LCP1: variants seen among roughly 807,000 people sequenced by gnomAD.
LCP1 encodes lymphocyte cytosolic protein 1.
LCP1 carries 23 observed loss-of-function variants against 72.0 expected under a neutral mutation model. The ratio of observed to expected loss-of-function variants is 0.32; its 90% CI spans 0.23 to 0.45. LCP1 has a LOEUF of 0.45. Ranked by LOEUF, LCP1 falls within the 20% of genes least tolerant of loss-of-function variation. LCP1 has a pLI of 1.00. For synonymous variants in LCP1, 245 were observed against 275.4 expected, an observed-to-expected ratio of 0.89 and a Z score of 1.09; for missense variants, 571 against 748.3, an observed-to-expected ratio of 0.76 and a Z score of 2.76.
At chr13:46,181,420 T>C (rs2045954736) in intron 1 of LCP1, among the ~76,000 whole-genome samples, 2 of 152,262 alleles carry the variant, frequency 1.3e-5, no homozygotes, top group Admixed American at 6.5e-5. Flanking sequence ...TTCATTGATA[T>C]GGTCATAAGC....
chr13:46,158,317 C>A lies in LCP1; in HGVS notation c.358+205G>T, dbSNP rs77588294. 6.3e-3 allele frequency among the ~76,000 whole-genome samples: 961 copies of A among 152,260 alleles called. 12 individuals are homozygous for A. The highest frequency in any genetic ancestry group is 0.021 in the African/African-American group (890 of 41,546). On this transcript the variant is annotated intron_variant, in intron 4 of 15. Transcript: ENST00000323076. ...CTTTAATGATTGTTTAAATGCTGAT[C>A]AAATCATTTTGTATTGGACCCTACC...
chr13:46,134,119 A>C lies in LCP1; in HGVS notation c.1626+8T>G, dbSNP rs982124082. The C allele has an allele frequency of 1.2e-6, 2 of 1,613,252 alleles. No homozygotes were observed. The highest frequency in any genetic ancestry group is 1.7e-5 in the Admixed American group (1 of 59,990). On this transcript the variant is annotated splice_region_variant and intron_variant, in intron 14 of 15. Coordinates refer to ENST00000323076, the MANE Select transcript of LCP1 (RefSeq NM_002298.5). ...AGATGGCCTCTAGCAGAAGACAAAGAATTTTACCTTGAAACTAGAGATGGA... is the reference window on the plus strand; with the variant it reads ...AGATGGCCTCTAGCAGAAGACAAAGCATTTTACCTTGAAACTAGAGATGGA...
At chr13:46,166,047 G>A (rs183670378) in intron 1 of LCP1, among the ~76,000 whole-genome samples, 3 of 152,228 alleles carry the variant, frequency 2.0e-5, no homozygotes, top group Non-Finnish European at 4.4e-5. Context: ...CTGCTTAAAG[G>A]GTGCTGGTAT....
chr13:46,146,855 G>T (rs2045733610), intron 10 of LCP1, 53 bp downstream of exon 10: 1 of 1,558,264 alleles, frequency 6.4e-7, no homozygotes, highest in Non-Finnish European at 8.9e-7. Context: ...AATTGCCATT[G>T]AATTAGAATT....
intron 3 of LCP1, 64 bp from the exon 4 acceptor site, chr13:46,158,715 A>C (rs569159711): frequency 3.7e-6 from 6 of 1,608,544 alleles, no homozygotes; most frequent in Middle Eastern, 1.7e-4. Context: ...AAAGGAAAGA[A>C]TATGTAATGT....
chr13:46,150,462 T>C (rs1004408202), intron 8 of LCP1, among the ~76,000 whole-genome samples: 3 of 152,214 alleles, frequency 2.0e-5, no homozygotes, highest in Non-Finnish European at 4.4e-5. Context: ...GTTGTAAGGA[T>C]TCAATAAGAG....
At chr13:46,159,080 C>T (rs575141689) in intron 2 of LCP1, 91 bp from the exon 3 acceptor site, 31 of 1,156,580 alleles carry the variant, frequency 2.7e-5, no homozygotes, top group African/African-American at 2.0e-4. Flanking sequence ...GGTGAAGGGA[C>T]GAGAGAGGCT....
In LCP1 at chr13:46,149,631, G is replaced by C. The variant is rs1174164827; in HGVS notation, c.883-1184C>G. Among the ~76,000 whole-genome samples the C allele has an allele frequency of 4.8e-4, 73 of 152,210 alleles. 1 individual carries two copies. Among genetic ancestry groups the C allele is most frequent in the Admixed American group, 4.8e-3 (73 of 15,278 alleles). ...TCAGACATACACATGACAGCACGGA[G>C]TCAGTTGCCATGCAGCGGCTGCCAG... On this transcript the variant is annotated intron_variant, in intron 8 of 15. Coordinates refer to ENST00000323076, the MANE Select transcript of LCP1 (RefSeq NM_002298.5).
chr13:46,154,518 A>G (rs1003703583), intron 6 of LCP1, among the ~76,000 whole-genome samples: 1 of 152,224 alleles, frequency 6.6e-6, no homozygotes, highest in Non-Finnish European at 1.5e-5. Flanking sequence ...GCATCAAATC[A>G]AAGATAAATT....
intron 1 of LCP1, among the ~76,000 whole-genome samples, chr13:46,167,517 GCAT>G (rs2045883114): frequency 6.6e-6 from 1 of 152,134 alleles, no homozygotes; most frequent in Admixed American, 6.5e-5. Flanking sequence ...CTGTGCCTTA[GCAT>G]CTCTCTCCTT....
intron 1 of LCP1, among the ~76,000 whole-genome samples, chr13:46,160,057 C>T (rs1414383684): frequency 6.6e-6 from 1 of 152,206 alleles, no homozygotes; most frequent in Admixed American, 6.5e-5. Context: ...AATGCTCATT[C>T]TTAGGATGCT....
At chr13:46,153,646 A>T (rs1339855292) in intron 6 of LCP1, among the ~76,000 whole-genome samples, 2 of 151,350 alleles carry the variant, frequency 1.3e-5, no homozygotes, top group East Asian at 1.9e-4. Flanking sequence ...GGTTGCGGTG[A>T]GCTGAGATCA....
chr13:46,132,949 C>G lies in LCP1; in HGVS notation c.1626+1178G>C, dbSNP rs187540534. 5.3e-5 allele frequency among the ~76,000 whole-genome samples: 8 copies of G among 152,274 alleles called. No individual in the cohort carries two copies. The East Asian group carries it at 1.4e-3, about 26-fold the overall frequency. Reference sequence around the variant, plus strand: ...ATACAACTCGGAAGGTGTTCCTCCCCCTAATCCTGACCTTCAAGCTAGAAA... The same window carrying G: ...ATACAACTCGGAAGGTGTTCCTCCCGCTAATCCTGACCTTCAAGCTAGAAA... On this transcript the variant is annotated intron_variant, in intron 14 of 15. Coordinates refer to ENST00000323076, the MANE Select transcript of LCP1 (RefSeq NM_002298.5).
At chr13:46,145,642 G>A (rs1385745681) in intron 10 of LCP1, among the ~76,000 whole-genome samples, 1 of 77,876 alleles carries the variant, frequency 1.3e-5, no homozygotes, top group Non-Finnish European at 2.6e-5. Context: ...GGGCGCGGTG[G>A]CTCACGCCTG....
chr13:46,144,707 G>T (rs975458052), intron 10 of LCP1, among the ~76,000 whole-genome samples, 187 bp from the exon 11 acceptor site: 2 of 152,160 alleles, frequency 1.3e-5, no homozygotes, highest in Non-Finnish European at 1.5e-5. Context: ...TTTCAATTCC[G>T]CATGTATTTC....
intron 7 of LCP1, 82 bp from the exon 8 acceptor site, chr13:46,151,160 G>A: frequency 7.3e-7 from 1 of 1,372,436 alleles, no homozygotes; most frequent in Non-Finnish European, 9.9e-7. Context: ...ATTAAGCTCT[G>A]CTAAAAAGCT....
Position 46,142,297 on chromosome 13 carries a change from C to T in LCP1, c.1497G>A (p.Met499Ile). The change falls in exon 13 of 16, where the codon ATG becomes ATA. Residue 499 changes from methionine to isoleucine, a missense_variant. Physicochemically the swap from Met to Ile is conservative, Grantham distance 10. Coordinates refer to ENST00000323076, the MANE Select transcript of LCP1 (RefSeq NM_002298.5). ...ACTTCCATAAGCTATACTACCTTCTCATTAGCTGCCAAATCAAGGCCAGTG... is the reference window on the plus strand; with the variant it reads ...ACTTCCATAAGCTATACTACCTTCTTATTAGCTGCCAAATCAAGGCCAGTG... ...TLTLALIWQL[M>I]RRYTLNILEE... 1 of 1,613,632 alleles carries T rather than the reference C, an allele frequency of 6.2e-7. No individual in the cohort carries two copies. The highest frequency in any genetic ancestry group is 1.6e-4 in the Middle Eastern group (1 of 6,062).
chr13:46,168,722 A>C (rs1046180856), intron 1 of LCP1, among the ~76,000 whole-genome samples: 6 of 152,204 alleles, frequency 3.9e-5, no homozygotes, highest in African/African-American at 1.4e-4. Flanking sequence ...AAAAATATCC[A>C]AATAAGGAAA....
rs139969290 is a variant in LCP1 at position 46,143,314 on chromosome 13, G to A, written c.1344C>T (p.Pro448=). 5.2e-4 allele frequency: 845 copies of A among 1,613,360 alleles called. 6 individuals carry two copies. In the African/African-American group the frequency reaches 9.8e-3, roughly 19 times the overall value. The change falls in exon 12 of 16, where the codon CCC becomes CCT. Residue 448 remains proline (P), a synonymous_variant. Coordinates refer to ENST00000323076, the MANE Select transcript of LCP1 (RefSeq NM_002298.5). ...DWNRVNKPPY[P]KLGGNMKKLE... ...CCTTCTTCATATTGCCTCCCAGTTT[G>A]GGGTATGGCGGTTTGTTTACTCTGT...
Sources: allele counts gnomAD v4.1 joint callset (sites outside exome capture counted in the v4.1 genomes callset), GRCh38; gene constraint gnomAD v4.1.1; transcripts MANE v1.5; gene names NCBI Gene and HGNC (gene_info 2026-07-23, HGNC 2026-07-21).